The following MRPL48 variants were observed in gnomAD, a reference collection of about 807,000 sequenced individuals.
MRPL48 encodes large ribosomal subunit protein mL48.
MRPL48 carries 16 observed loss-of-function variants against 32.9 expected under a neutral mutation model. The observed-to-expected ratio is 0.49, with a 90% CI of 0.33 to 0.74. The LOEUF (loss-of-function observed/expected upper bound fraction) is 0.74. Ranked by LOEUF, MRPL48 falls within the 30% of genes least tolerant of loss-of-function variation. The probability of loss-of-function intolerance (pLI) is 0.02; values close to 1 mark genes in which losing one functional copy is unlikely to be tolerated. For synonymous variants in MRPL48, 94 were observed against 89.2 expected (o/e 1.05, Z -0.31); for missense variants, 206 against 245.3 (o/e 0.84, Z 1.07).
chr11:73,815,630 A>T (rs924710795), intron 3 of MRPL48, among the ~76,000 whole-genome samples: 3 of 151,892 alleles, frequency 2.0e-5, no homozygotes, highest in Non-Finnish European at 4.4e-5. Flanking sequence ...CTGAGATTAC[A>T]TGTGTGAGCC....
rs1948383117 is a variant in MRPL48, at chr11:73,851,126, C to T, written c.371+6150C>T. ...GTTTAATTTATATACTATTTTCTGTCATCACTTGTCCTTATCACTTTGAGT... is the reference window on the plus strand; with the variant it reads ...GTTTAATTTATATACTATTTTCTGTTATCACTTGTCCTTATCACTTTGAGT... On this transcript the variant is annotated intron_variant, in intron 5 of 7. Transcript: ENST00000310614. 1.3e-5 allele frequency: 6 copies of T among 459,942 alleles called. No homozygotes were observed. The Admixed American group carries it at 1.5e-4, about 11-fold the overall frequency. The allele number at this position is 459,942 out of a possible 1,614,324, so 28.5% of individuals were successfully genotyped here. A position where few individuals can be genotyped will look rare whatever the true frequency, so the allele number is the denominator to read the frequency against.
chr11:73,862,859 C>A (rs749015006), intron 6 of MRPL48, among the ~76,000 whole-genome samples: 2 of 152,122 alleles, frequency 1.3e-5, no homozygotes, highest in Non-Finnish European at 2.9e-5. Context: ...TTCAAGGTTG[C>A]GGTGAGCTAT....
At chr11:73,846,916 A>G (rs1264901722) in intron 5 of MRPL48, among the ~76,000 whole-genome samples, 1 of 151,474 alleles carries the variant, frequency 6.6e-6, no homozygotes, top group Non-Finnish European at 1.5e-5. Flanking sequence ...GGCTAATTTT[A>G]AAATTTTTTG....
chr11:73,801,979 G>C (rs1322167643), intron 1 of MRPL48: 1 of 152,136 alleles, frequency 6.6e-6, no homozygotes, highest in Admixed American at 6.6e-5. Context: ...AGGATCTCTT[G>C]GTTTAGCATA....
chr11:73,814,054 A>T (rs1193441118), intron 3 of MRPL48, among the ~76,000 whole-genome samples: 1 of 151,568 alleles, frequency 6.6e-6, no homozygotes, highest in African/African-American at 2.4e-5. Context: ...AAAAAAAAAA[A>T]AAAAATCCTT....
At chr11:73,788,068 G>A in intron 1 of MRPL48, 76 bp downstream of exon 1, 5 of 1,564,078 alleles carry the variant, frequency 3.2e-6, no homozygotes, top group Admixed American at 1.8e-5. Flanking sequence ...GGAGGGTGCA[G>A]AGCGGGGAGG....
At chr11:73,851,983 G>A (rs1670557) in intron 5 of MRPL48, among the ~76,000 whole-genome samples, 77,045 of 151,594 alleles carry the variant, frequency 0.51, 20,774 homozygotes, top group African/African-American at 0.7. Flanking sequence ...CATACCGAGA[G>A]ACATAATTAT....
intron 4 of MRPL48, among the ~76,000 whole-genome samples, chr11:73,827,066 A>G (rs1436159640): frequency 6.6e-6 from 1 of 151,336 alleles, no homozygotes; most frequent in Non-Finnish European, 1.5e-5. Flanking sequence ...ATGAGCCACC[A>G]AGCCTGGCCT....
At chr11:73,814,434 C>T (rs1253903967) in intron 3 of MRPL48, among the ~76,000 whole-genome samples, 1 of 152,024 alleles carries the variant, frequency 6.6e-6, no homozygotes, top group African/African-American at 2.4e-5. Flanking sequence ...GTGGCTCACG[C>T]GTGTAATCCC....
intron 2 of MRPL48, among the ~76,000 whole-genome samples, chr11:73,805,280 C>T (rs1384115299): frequency 2.1e-5 from 3 of 146,290 alleles, no homozygotes; most frequent in African/African-American, 7.9e-5. Context: ...TGCAGTTAAT[C>T]TTTGATGCTG....
chr11:73,864,243 G>A (rs1948630615), intron 7 of MRPL48, 53 bp from the exon 8 acceptor site: 3 of 1,536,196 alleles, frequency 2.0e-6, no homozygotes, highest in Non-Finnish European at 1.8e-6. Flanking sequence ...GCATATCTGG[G>A]TAACTAAAAG....
At chr11:73,795,957 C>T (rs1272212606) in intron 1 of MRPL48, among the ~76,000 whole-genome samples, 3 of 152,214 alleles carry the variant, frequency 2.0e-5, no homozygotes, top group African/African-American at 7.2e-5. Flanking sequence ...CATCTCCCAG[C>T]CCTTAGCACC....
Position 73,825,800 on chromosome 11 carries a change from A to C in MRPL48, c.201+4A>C. The stretch of plus-strand genomic sequence containing the variant: ...GCACTTAATTAAAGCAGAAGAGGTA[A>C]CGGGCAGGGGGAGTCTTTTGGAAAA... On this transcript the variant is annotated splice_donor_region_variant and intron_variant, in intron 4 of 7. Transcript: ENST00000310614. 1 of 1,558,150 alleles carries C rather than the reference A, an allele frequency of 6.4e-7. No individual in the cohort carries two copies. Among genetic ancestry groups the C allele is most frequent in the Non-Finnish European group, 8.7e-7 (1 of 1,150,618 alleles).
chr11:73,797,432 C>T (rs1431606754), intron 1 of MRPL48, among the ~76,000 whole-genome samples: 1 of 152,212 alleles, frequency 6.6e-6, no homozygotes, highest in South Asian at 2.1e-4. Context: ...AGCTGCAGCC[C>T]TTCAGGGAGC....
At chr11:73,814,741 C>A (rs1197280730) in intron 3 of MRPL48, among the ~76,000 whole-genome samples, 2 of 151,344 alleles carry the variant, frequency 1.3e-5, no homozygotes, top group South Asian at 4.2e-4. Context: ...TGCTTGTAAT[C>A]TCGGCAGTTT....
chr11:73,825,772 CA>C lies in MRPL48; in HGVS notation c.179del (p.Lys60SerfsTer3). On this transcript the variant is annotated frameshift_variant, in exon 4 of 8. Transcript: ENST00000310614. LOFTEE classifies it high-confidence loss of function. ...TKPTHGIGKY[K>X]HLIKAEEPKK... is the part of the protein sequence containing the mutation. ...AGCCCACCCACGGCATTGGAAAGTA[CA>C]AGCACTTAATTAAAGCAGAAGAGGT... 6.4e-7 allele frequency: 1 copy of C among 1,567,108 alleles called. No individual in the cohort carries two copies. The highest frequency in any genetic ancestry group is 1.4e-5 in the African/African-American group (1 of 73,658).
chr11:73,805,413 C>T (rs1446054165), intron 2 of MRPL48, among the ~76,000 whole-genome samples: 1 of 151,510 alleles, frequency 6.6e-6, no homozygotes, highest in Non-Finnish European at 1.5e-5. Flanking sequence ...TCTCCCACCT[C>T]AGCCTCCCAA....
intron 5 of MRPL48, among the ~76,000 whole-genome samples, chr11:73,857,429 A>G (rs1406794283): frequency 6.8e-6 from 1 of 147,210 alleles, no homozygotes; most frequent in East Asian, 2.0e-4. Flanking sequence ...ACTGCGCCCG[A>G]CCGACTTTTT....
intron 1 of MRPL48, among the ~76,000 whole-genome samples, chr11:73,790,575 G>A (rs919517368): frequency 3.3e-5 from 5 of 151,122 alleles, no homozygotes; most frequent in East Asian, 2.0e-4. Context: ...TAGTAGAGAC[G>A]GGGTTTCACC....
Sources: gnomAD v4.1 joint callset for allele counts (sites outside exome capture counted in the v4.1 genomes callset) on GRCh38, gnomAD v4.1.1 for gene constraint, MANE v1.5 for transcripts, NCBI Gene and HGNC (gene_info 2026-07-23, HGNC 2026-07-21) for gene names.